The following ZFHX3 variants were observed in gnomAD, a reference collection of about 807,000 sequenced individuals.
ZFHX3 encodes zinc finger homeobox protein 3.
Under a neutral mutation model 279.1 loss-of-function variants are expected in ZFHX3, and 42 were observed. The ratio of observed to expected loss-of-function variants is 0.15; its 90% CI spans 0.12 to 0.19. ZFHX3 has a LOEUF of 0.19. ZFHX3 is among the 10% of genes least tolerant of loss of function. The probability of loss-of-function intolerance (pLI) is 1.00; values close to 1 mark genes in which losing one functional copy is unlikely to be tolerated. For missense variants in ZFHX3, 4,981 were observed against 4,754.0 expected (o/e 1.05, Z -1.40); for synonymous variants, 2,293 against 1,957.8 (o/e 1.17, Z -4.52).
intron 3 of ZFHX3, among the ~76,000 whole-genome samples, chr16:73,350,042 T>G (rs1272061104): frequency 6.6e-6 from 1 of 151,846 alleles, no homozygotes; most frequent in Admixed American, 6.6e-5. Flanking sequence ...GAAGCCTTTT[T>G]CCTTGTGTAG....
At chr16:73,067,982 T>C (rs545959511) in intron 8 of ZFHX3, among the ~76,000 whole-genome samples, 20 of 152,218 alleles carry the variant, frequency 1.3e-4, no homozygotes, top group Admixed American at 4.6e-4. Context: ...GCAGTTCAGC[T>C]CTCAGGAGCA....
chr16:72,857,079 G>C (rs1223281551), intron 4 of ZFHX3, among the ~76,000 whole-genome samples: 1 of 152,116 alleles, frequency 6.6e-6, no homozygotes, highest in African/African-American at 2.4e-5. Context: ...CACCTGCTTG[G>C]AATTCTTCCA....
intron 5 of ZFHX3, among the ~76,000 whole-genome samples, chr16:73,206,386 CCAACA>C (rs1431065727): frequency 6.6e-6 from 1 of 152,130 alleles, no homozygotes; most frequent in South Asian, 2.1e-4. Flanking sequence ...AGAGATCTGG[CCAACA>C]CAACACAGGA....
At chr16:72,890,033 C>A (rs2038731125) in intron 3 of ZFHX3, 71 bp from the exon 4 acceptor site, 2 of 1,381,970 alleles carry the variant, frequency 1.4e-6, no homozygotes, top group Admixed American at 2.0e-5. Flanking sequence ...TCAGCCCACA[C>A]CATCCTGGTC....
At position 73,784,724 on chromosome 16, in the gene ZFHX3, T is replaced by G. The variant is rs57754667; in HGVS notation, c.-1607-104484A>C. Among the ~76,000 whole-genome samples, 1,173 of 150,480 alleles carry G rather than the reference T, an allele frequency of 7.8e-3. 19 individuals are homozygous for G. The highest frequency in any genetic ancestry group is 0.027 in the African/African-American group (1,112 of 40,882). On this transcript the variant is annotated intron_variant, in intron 1 of 17. Transcript: ENST00000641206. The stretch of plus-strand genomic sequence containing the variant: ...ATTGCTCCACTGCACTCCAGCCTGG[T>G]GAAAGAGTAAGACTATGTCTCAAAA...
chr16:73,846,758 G>GTCC (rs1291004892), intron 1 of ZFHX3, among the ~76,000 whole-genome samples: 1 of 151,990 alleles, frequency 6.6e-6, no homozygotes, highest in Admixed American at 6.6e-5. Flanking sequence ...GGTGGAAAAG[G>GTCC]TCCTGGTATA....
chr16:73,463,937 A>C (rs990442401), intron 2 of ZFHX3, among the ~76,000 whole-genome samples: 5 of 152,188 alleles, frequency 3.3e-5, no homozygotes, highest in African/African-American at 1.2e-4. Context: ...GGGTCAGTGA[A>C]CTTATTTATT....
intron 1 of ZFHX3, among the ~76,000 whole-genome samples, chr16:73,882,984 G>A (rs1380863277): frequency 6.6e-6 from 1 of 151,460 alleles, no homozygotes; most frequent in African/African-American, 2.4e-5. Flanking sequence ...CTGGGGATTT[G>A]GGTTTTTTTG....
At chr16:73,306,752 A>T (rs1197714356) in intron 4 of ZFHX3, among the ~76,000 whole-genome samples, 1 of 152,224 alleles carries the variant, frequency 6.6e-6, no homozygotes, top group Non-Finnish European at 1.5e-5. Context: ...CAGCAGTGAC[A>T]GGCTGCTAGA....
chr16:72,878,452 T>C (rs548117476), intron 4 of ZFHX3, among the ~76,000 whole-genome samples: 3 of 152,318 alleles, frequency 2.0e-5, no homozygotes, highest in Non-Finnish European at 2.9e-5. Context: ...TCTCAATGCT[T>C]CTGAAATGGA....
chr16:73,473,339 C>CAAAAAAAA (rs11347779), intron 2 of ZFHX3, among the ~76,000 whole-genome samples: 3,281 of 76,176 alleles, frequency 0.043, 1 homozygote, highest in Non-Finnish European at 0.048. Context: ...TGTCTCAAAG[C>CAAAAAAAA]AAAAAAAAAA....
At chr16:72,854,028 T>C (rs1042103896) in intron 4 of ZFHX3, among the ~76,000 whole-genome samples, 5 of 151,916 alleles carry the variant, frequency 3.3e-5, no homozygotes, top group African/African-American at 4.8e-5. Context: ...TTAAAAATAG[T>C]GTATGCAGCA....
chr16:73,305,231 G>C (rs548111180), intron 4 of ZFHX3, among the ~76,000 whole-genome samples: 1 of 152,124 alleles, frequency 6.6e-6, no homozygotes, highest in Non-Finnish European at 1.5e-5. Flanking sequence ...TCCTCAGGAC[G>C]GAAGCAATTC....
intron 3 of ZFHX3, among the ~76,000 whole-genome samples, chr16:73,409,199 C>T (rs1597323403): frequency 6.6e-6 from 1 of 152,258 alleles, no homozygotes; most frequent in South Asian, 2.1e-4. Flanking sequence ...GAGAATAAGC[C>T]AGGAGAAAAT....
At position 73,889,729 on chromosome 16, in the gene ZFHX3, T is replaced by G. The variant is rs187704119; in HGVS notation, c.-1608+1922A>C. Among the ~76,000 whole-genome samples, 36 of 152,326 alleles carry G rather than the reference T, an allele frequency of 2.4e-4. No homozygotes were observed. The East Asian group carries it at 6.0e-3, about 25-fold the overall frequency. On this transcript the variant is annotated intron_variant, in intron 1 of 17. Coordinates refer to the ZFHX3 transcript ENST00000641206. The stretch of plus-strand genomic sequence containing the variant: ...TCTCACACACAGGAGCTATTCTCTG[T>G]GCCCTCACCCTTCTCCTGAGTGCAG...
intron 5 of ZFHX3, among the ~76,000 whole-genome samples, chr16:73,248,111 G>C (rs2013358054): frequency 6.6e-6 from 1 of 151,768 alleles, no homozygotes; most frequent in Non-Finnish European, 1.5e-5. Context: ...CCTGTATGTG[G>C]AGTGTGTGTG....
chr16:72,991,599 G>A (rs117982086), intron 1 of ZFHX3, among the ~76,000 whole-genome samples: 1,664 of 152,302 alleles, frequency 0.011, 35 homozygotes, highest in East Asian at 0.097. Context: ...AGCTATTAAT[G>A]CTTATATTAA....
intron 5 of ZFHX3, among the ~76,000 whole-genome samples, chr16:73,216,617 A>T (rs2012217680): frequency 6.6e-6 from 1 of 152,128 alleles, no homozygotes; most frequent in African/African-American, 2.4e-5. Flanking sequence ...CTGATAGATC[A>T]TTTGACTACA....
intron 3 of ZFHX3, among the ~76,000 whole-genome samples, chr16:73,362,187 A>G (rs2016444288): frequency 6.6e-6 from 1 of 152,146 alleles, no homozygotes; most frequent in South Asian, 2.1e-4. Context: ...TCCCTACGTA[A>G]GGAATATTTG....
Sources: allele counts gnomAD v4.1 joint callset (sites outside exome capture counted in the v4.1 genomes callset), GRCh38; gene constraint gnomAD v4.1.1; transcripts MANE v1.5; gene names NCBI Gene and HGNC (gene_info 2026-07-23, HGNC 2026-07-21).